SYNPR: variants seen among roughly 807,000 people sequenced by gnomAD.
SYNPR encodes synaptoporin.
SYNPR carries 23 observed loss-of-function variants against 32.9 expected under a neutral mutation model. The ratio of observed to expected loss-of-function variants is 0.70; its 90% CI spans 0.50 to 0.99. The LOEUF (loss-of-function observed/expected upper bound fraction) is 0.99, where lower values mean the gene tolerates loss of function less well. SYNPR is among the 50% of genes least tolerant of loss of function. The pLI, the probability that SYNPR is intolerant of heterozygous loss-of-function variation, is 0.00. For synonymous variants in SYNPR, 146 were observed against 135.9 expected, an observed-to-expected ratio of 1.07 and a Z score of -0.52; for missense variants, 318 against 349.3, an observed-to-expected ratio of 0.91 and a Z score of 0.71.
At chr3:63,243,118 G>C (rs1041144600) in intron 1 of SYNPR, among the ~76,000 whole-genome samples, 7 of 151,966 alleles carry the variant, frequency 4.6e-5, no homozygotes, top group African/African-American at 2.4e-5. Context: ...TCTAGGGAGA[G>C]AGAGTAAAGT....
At chr3:63,201,068 T>C in the SYNPR span, among the ~76,000 whole-genome samples, 7 of 152,286 alleles carry the variant, frequency 4.6e-5, no homozygotes, top group Non-Finnish European at 1.0e-4. Context: ...AAGTAGAATA[T>C]AGCATAGAGC....
chr3:63,557,116 ATATC>A lies in SYNPR; in HGVS notation c.408+387_408+390del, dbSNP rs752835743. Among the ~76,000 whole-genome samples, 8 of 152,096 alleles carry A rather than the reference ATATC, an allele frequency of 5.3e-5. No individual in the cohort carries two copies. In the East Asian group the frequency reaches 1.2e-3, roughly 22 times the overall value. On this transcript the variant is annotated intron_variant, in intron 4 of 5. Transcript: ENST00000478300. ...TGAAAATGGAGTTCTTCATCTCTGTATATCTATCTATCTATGTCTTTTTCCTACC... is the reference window on the plus strand; with the variant it reads ...TGAAAATGGAGTTCTTCATCTCTGTATATCTATCTATGTCTTTTTCCTACC...
intron 4 of SYNPR, among the ~76,000 whole-genome samples, chr3:63,605,441 G>A (rs1291997428): frequency 1.3e-5 from 2 of 152,176 alleles, no homozygotes; most frequent in African/African-American, 2.4e-5. Context: ...GTGTGCAAAG[G>A]TTTCCACACT....
At chr3:63,209,315 CAAAAAAA>C in the SYNPR span, among the ~76,000 whole-genome samples, 1 of 103,272 alleles carries the variant, frequency 9.7e-6, no homozygotes. Context: ...GACTCCGTCT[CAAAAAAA>C]AAAAAAAAAA....
chr3:63,596,147 A>C (rs1291013265), intron 4 of SYNPR, among the ~76,000 whole-genome samples: 1 of 150,312 alleles, frequency 6.7e-6, no homozygotes, highest in Non-Finnish European at 1.5e-5. Flanking sequence ...GGAAAGAGGG[A>C]GCTCTCTTCC....
chr3:63,543,603 C>T (rs142774734), intron 3 of SYNPR, among the ~76,000 whole-genome samples: 1 of 151,872 alleles, frequency 6.6e-6, no homozygotes, highest in East Asian at 1.9e-4. Flanking sequence ...CTTTTTTGAC[C>T]CTTCTATGAC....
chr3:63,607,902 A>C (rs1230861081), intron 4 of SYNPR, among the ~76,000 whole-genome samples: 1 of 152,164 alleles, frequency 6.6e-6, no homozygotes, highest in Non-Finnish European at 1.5e-5. Flanking sequence ...GATACAGAGC[A>C]AGTCAGATGC....
chr3:63,612,823 C>T (rs958131092), intron 5 of SYNPR, among the ~76,000 whole-genome samples: 9 of 152,038 alleles, frequency 5.9e-5, no homozygotes, highest in Non-Finnish European at 1.3e-4. Context: ...GCTAAAATTA[C>T]ATCCCTGGAC....
At chr3:63,447,081 A>T (rs1000724101) in intron 2 of SYNPR, among the ~76,000 whole-genome samples, 3 of 152,222 alleles carry the variant, frequency 2.0e-5, no homozygotes, top group Non-Finnish European at 4.4e-5. Context: ...TAGAGCCAAT[A>T]CTGATAAATA....
At chr3:63,524,866 TGTGTGAGA>T (rs1559526072) in intron 3 of SYNPR, among the ~76,000 whole-genome samples, 38 of 150,642 alleles carry the variant, frequency 2.5e-4, no homozygotes, top group African/African-American at 9.0e-4. Flanking sequence ...TGTGTGTGTG[TGTGTGAGA>T]GAGAGAGAGA....
At chr3:63,352,614 T>G (rs2087524277) in intron 2 of SYNPR, among the ~76,000 whole-genome samples, 2 of 152,188 alleles carry the variant, frequency 1.3e-5, no homozygotes. Flanking sequence ...GCACCTAGGT[T>G]TGCAGAAACA....
At chr3:63,389,980 T>G (rs1286312323) in intron 2 of SYNPR, among the ~76,000 whole-genome samples, 3 of 152,242 alleles carry the variant, frequency 2.0e-5, no homozygotes, top group African/African-American at 2.4e-5. Context: ...GGCTCTGTGC[T>G]GGTGTTTCCA....
intron 2 of SYNPR, among the ~76,000 whole-genome samples, chr3:63,306,560 A>T (rs555607130): frequency 1.3e-5 from 2 of 152,108 alleles, no homozygotes; most frequent in African/African-American, 4.8e-5. Flanking sequence ...ATATAAAATT[A>T]GTTTGTAGAT....
intron 2 of SYNPR, among the ~76,000 whole-genome samples, chr3:63,308,317 A>T (rs376503866): frequency 1.5e-3 from 225 of 152,120 alleles, no homozygotes; most frequent in Middle Eastern, 0.01. Context: ...TGTTCTCTTA[A>T]GCAAATTTTA....
chr3:63,354,259 C>A (rs1216542852), intron 2 of SYNPR, among the ~76,000 whole-genome samples: 1 of 152,166 alleles, frequency 6.6e-6, no homozygotes, highest in African/African-American at 2.4e-5. Context: ...CCACTCTGAG[C>A]TTTGCTGGGC....
chr3:63,562,898 T>C (rs922986820), intron 4 of SYNPR, among the ~76,000 whole-genome samples: 3 of 152,116 alleles, frequency 2.0e-5, no homozygotes, highest in African/African-American at 7.2e-5. Flanking sequence ...ACGTATAGAA[T>C]AGTGTTAATA....
intron 3 of SYNPR, among the ~76,000 whole-genome samples, chr3:63,512,687 G>A (rs563198748): frequency 6.6e-6 from 1 of 152,230 alleles, no homozygotes; most frequent in South Asian, 2.1e-4. Flanking sequence ...AATGTGGGTG[G>A]CCTCTGGAAG....
chr3:63,435,942 A>G (rs1287772348), intron 2 of SYNPR, among the ~76,000 whole-genome samples: 1 of 152,210 alleles, frequency 6.6e-6, no homozygotes. Flanking sequence ...TGGCTTGCAC[A>G]GTAACTCAGA....
At chr3:63,452,035 A>AT (rs745951091) in intron 2 of SYNPR, 84 of 699,720 alleles carry the variant, frequency 1.2e-4, no homozygotes, top group South Asian at 8.7e-4. Context: ...CCCTGATATA[A>AT]TTTTTTTCTC....
Sources: gnomAD v4.1 joint callset for allele counts (sites outside exome capture counted in the v4.1 genomes callset) on GRCh38, gnomAD v4.1.1 for gene constraint, MANE v1.5 for transcripts, NCBI Gene and HGNC (gene_info 2026-07-23, HGNC 2026-07-21) for gene names.